ASAP1: variants seen among roughly 807,000 people sequenced by gnomAD.
ASAP1 encodes the protein arf-GAP with SH3 domain, ANK repeat and PH domain-containing protein 1.
ASAP1 carries 43 observed loss-of-function variants against 145.2 expected under a neutral mutation model. The observed-to-expected ratio is 0.30, with a 90% CI of 0.23 to 0.38. The LOEUF is 0.38. Ranked by LOEUF, ASAP1 falls within the 10% of genes least tolerant of loss-of-function variation. The pLI is 1.00. For missense variants in ASAP1, 1,018 were observed against 1,355.3 expected (o/e 0.75, Z 3.91); for synonymous variants, 546 against 515.5 (o/e 1.06, Z -0.80).
chr8:130,089,993 TGACA>T (rs2097502178), intron 25 of ASAP1, among the ~76,000 whole-genome samples: 1 of 152,188 alleles, frequency 6.6e-6, no homozygotes, highest in Non-Finnish European at 1.5e-5. Flanking sequence ...GGTGAGAAAC[TGACA>T]GACAGAACAG....
intron 9 of ASAP1, among the ~76,000 whole-genome samples, chr8:130,177,724 AAAC>A (rs1246619226): frequency 6.6e-6 from 1 of 152,236 alleles, no homozygotes; most frequent in Admixed American, 6.5e-5. Context: ...AAATTTATGT[AAAC>A]AACAATTTGA....
intron 13 of ASAP1, among the ~76,000 whole-genome samples, chr8:130,141,598 C>G (rs894617633): frequency 6.6e-6 from 1 of 152,182 alleles, no homozygotes; most frequent in Non-Finnish European, 1.5e-5. Context: ...TGGCACACAT[C>G]GGGTACTAGC....
At chr8:130,370,627 A>T (rs1163522727) in intron 2 of ASAP1, among the ~76,000 whole-genome samples, 1 of 152,264 alleles carries the variant, frequency 6.6e-6, no homozygotes. Flanking sequence ...CATTCTTAAC[A>T]TTCAAAAAAA....
At chr8:130,398,782 A>G (rs1251132515) in intron 2 of ASAP1, among the ~76,000 whole-genome samples, 2 of 152,260 alleles carry the variant, frequency 1.3e-5, no homozygotes, top group Non-Finnish European at 2.9e-5. Context: ...GAAGTTAAGT[A>G]GCTTTTCAAC....
chr8:130,079,855 T>C (rs2097474807), intron 26 of ASAP1, 47 bp downstream of exon 26: 1 of 1,564,698 alleles, frequency 6.4e-7, no homozygotes, highest in East Asian at 2.2e-5. Context: ...TTCTGTCCAT[T>C]GCATCAATGG....
At chr8:130,382,526 T>A (rs1827829611) in intron 2 of ASAP1, among the ~76,000 whole-genome samples, 1 of 152,176 alleles carries the variant, frequency 6.6e-6, no homozygotes, top group Admixed American at 6.5e-5. Context: ...TGTCATGTAT[T>A]CTCATTTGTA....
intron 3 of ASAP1, among the ~76,000 whole-genome samples, chr8:130,344,086 G>A (rs1250208646): frequency 1.3e-5 from 2 of 152,104 alleles, no homozygotes; most frequent in East Asian, 1.9e-4. Flanking sequence ...TGTAGCTTAC[G>A]TTAAATGACA....
At chr8:130,199,187 T>G (rs1210583933) in intron 5 of ASAP1, among the ~76,000 whole-genome samples, 1 of 152,230 alleles carries the variant, frequency 6.6e-6, no homozygotes, top group Admixed American at 6.5e-5. Flanking sequence ...GTTCCTTTAC[T>G]GTCTAGAGCA....
rs553872084 is a variant in ASAP1, at chr8:130,250,283, G to T, written c.187-13289C>A. On this transcript the variant is annotated intron_variant, in intron 3 of 29. Transcript: ENST00000518721. ...GCCTTTTTGGAGATGAAGAAATTAA[G>T]TCAGAAAGTAGGGATCCAGGGCCAA... Among the ~76,000 whole-genome samples, 157 of 152,224 alleles carry T rather than the reference G, an allele frequency of 1.0e-3. 5 individuals carry two copies. In the South Asian group the frequency reaches 0.032, roughly 31 times the overall value.
chr8:130,430,746 GGT>G (rs1830107411), intron 1 of ASAP1, among the ~76,000 whole-genome samples: 1 of 152,176 alleles, frequency 6.6e-6, no homozygotes, highest in Non-Finnish European at 1.5e-5. Context: ...ACACTGGGAA[GGT>G]GTATTCAGAA....
chr8:130,211,784 G>A (rs1816598578), intron 5 of ASAP1, among the ~76,000 whole-genome samples: 2 of 152,306 alleles, frequency 1.3e-5, no homozygotes, highest in South Asian at 4.1e-4. Context: ...CTTGCTGGTT[G>A]AACTGGGAAT....
At position 130,170,048 on chromosome 8, in the gene ASAP1, C is replaced by T. The variant is rs146369775; in HGVS notation, c.747-981G>A. Reference sequence around the variant, plus strand: ...TCTCTAACCATGTCCCTACAGCAGACTATTTCTCAAAACACTATCTGTTTT... The same window carrying T: ...TCTCTAACCATGTCCCTACAGCAGATTATTTCTCAAAACACTATCTGTTTT... On this transcript the variant is annotated intron_variant, in intron 9 of 29. Transcript: ENST00000518721. 4.9e-3 allele frequency among the ~76,000 whole-genome samples: 751 copies of T among 152,322 alleles called. 4 individuals are homozygous for T. Among genetic ancestry groups the T allele is most frequent in the Non-Finnish European group, 7.4e-3 (505 of 68,020 alleles).
chr8:130,058,863 C>T (rs552312741), intron 28 of ASAP1, among the ~76,000 whole-genome samples: 169 of 152,262 alleles, frequency 1.1e-3, no homozygotes, highest in African/African-American at 4.1e-3. Flanking sequence ...TTCCGAGCTC[C>T]CTTCTGGGCC....
intron 4 of ASAP1, among the ~76,000 whole-genome samples, chr8:130,215,518 C>A (rs1181201304): frequency 6.6e-6 from 1 of 151,978 alleles, no homozygotes; most frequent in Non-Finnish European, 1.5e-5. Context: ...CCAAGGCGGG[C>A]CGATCACGAG....
intron 24 of ASAP1, among the ~76,000 whole-genome samples, chr8:130,103,303 C>T (rs2097531847): frequency 6.6e-6 from 1 of 151,798 alleles, no homozygotes; most frequent in Non-Finnish European, 1.5e-5. Context: ...CCCTTCTTTT[C>T]TTGTCTAGCT....
chr8:130,269,291 C>T (rs1299017864), intron 3 of ASAP1, among the ~76,000 whole-genome samples: 3 of 152,204 alleles, frequency 2.0e-5, no homozygotes, highest in Admixed American at 6.5e-5. Flanking sequence ...GAATTACCCA[C>T]ACACCCAGAG....
At chr8:130,185,430 T>A (rs539866947) in intron 7 of ASAP1, among the ~76,000 whole-genome samples, 2 of 151,884 alleles carry the variant, frequency 1.3e-5, no homozygotes, top group Admixed American at 6.6e-5. Context: ...TAGAGGACAA[T>A]ACAGAAAAAT....
At chr8:130,094,858 T>C (rs1399358460) in intron 24 of ASAP1, among the ~76,000 whole-genome samples, 3 of 152,370 alleles carry the variant, frequency 2.0e-5, no homozygotes, top group African/African-American at 2.4e-5. Context: ...TGAGGTTCTC[T>C]AGCAATTTCA....
chr8:130,103,814 A>G (rs947833730), intron 24 of ASAP1, among the ~76,000 whole-genome samples: 1 of 152,058 alleles, frequency 6.6e-6, no homozygotes, highest in Non-Finnish European at 1.5e-5. Context: ...GCACCTAGTG[A>G]TGTTTTTCTT....
Sources: allele counts gnomAD v4.1 joint callset (sites outside exome capture counted in the v4.1 genomes callset), GRCh38; gene constraint gnomAD v4.1.1; transcripts MANE v1.5; gene names NCBI Gene and HGNC (gene_info 2026-07-23, HGNC 2026-07-21).